Variants in GPM6A observed in about 807,000 individuals in gnomAD.
GPM6A encodes the protein glycoprotein M6A.
In GPM6A, 7 loss-of-function variants were observed where a neutral mutation model predicts 32.1. The ratio of observed to expected loss-of-function variants is 0.22; its 90% confidence interval spans 0.12 to 0.41. GPM6A has a LOEUF of 0.41. Ranked by LOEUF, GPM6A falls within the 10% of genes least tolerant of loss-of-function variation. The pLI, the probability that GPM6A is intolerant of heterozygous loss-of-function variation, is 1.00. For missense variants in GPM6A, 235 were observed against 347.2 expected (o/e 0.68, Z 2.57); for synonymous variants, 130 against 123.4 (o/e 1.05, Z -0.35).
intron 1 of GPM6A, among the ~76,000 whole-genome samples, chr4:175,870,823 C>T (rs760593523): frequency 2.0e-5 from 3 of 152,092 alleles, no homozygotes; most frequent in Non-Finnish European, 2.9e-5. Flanking sequence ...CTACTTTGGT[C>T]TTTCAAAGCC....
chr4:175,912,116 G>A (rs1738340362), intron 1 of GPM6A, among the ~76,000 whole-genome samples: 2 of 152,108 alleles, frequency 1.3e-5, no homozygotes, highest in Non-Finnish European at 2.9e-5. Context: ...CCAGCCAGGA[G>A]TAGGAAAAAG....
intron 1 of GPM6A, among the ~76,000 whole-genome samples, chr4:175,924,858 AAG>A (rs1738783099): frequency 6.6e-6 from 1 of 151,696 alleles, no homozygotes; most frequent in South Asian, 2.1e-4. Flanking sequence ...AAAAAAAAAA[AAG>A]AGAGAAGTCT....
intron 1 of GPM6A, among the ~76,000 whole-genome samples, chr4:175,944,150 T>C (rs1579650311): frequency 6.6e-6 from 1 of 152,160 alleles, no homozygotes; most frequent in South Asian, 2.1e-4. Context: ...AAGCTTATTT[T>C]CATTTCGATA....
intron 1 of GPM6A, among the ~76,000 whole-genome samples, chr4:175,923,584 G>A (rs539560215): frequency 6.6e-6 from 1 of 151,496 alleles, no homozygotes; most frequent in African/African-American, 2.4e-5. Flanking sequence ...GACAAGATCG[G>A]GCTCTCTTGC....
At chr4:175,752,907 G>A (rs1732392098) in intron 1 of GPM6A, among the ~76,000 whole-genome samples, 1 of 152,122 alleles carries the variant, frequency 6.6e-6, no homozygotes, top group African/African-American at 2.4e-5. Context: ...CCAATGGTTC[G>A]AAAGGAAAAC....
upstream of GPM6A, chr4:175,813,102 G>GA (rs1324436815): frequency 4.1e-6 from 4 of 979,976 alleles, no homozygotes; most frequent in East Asian, 4.6e-4. Flanking sequence ...CCACTGGAAG[G>GA]AAAAACCCTA....
intron 1 of GPM6A, among the ~76,000 whole-genome samples, chr4:175,825,775 C>T (rs928448407): frequency 1.3e-5 from 2 of 152,144 alleles, no homozygotes; most frequent in African/African-American, 4.8e-5. Context: ...CTTGAATGTG[C>T]TTTTTGTCCA....
intron 3 of GPM6A, among the ~76,000 whole-genome samples, chr4:175,665,905 A>G (rs1240548495): frequency 6.6e-6 from 1 of 151,376 alleles, no homozygotes; most frequent in South Asian, 2.1e-4. Context: ...GATACTGTAA[A>G]TGTCTGAAAA....
chr4:175,988,735 C>G (rs573630557), intron 1 of GPM6A, among the ~76,000 whole-genome samples: 2 of 152,132 alleles, frequency 1.3e-5, no homozygotes, highest in African/African-American at 4.8e-5. Flanking sequence ...AAACAACAAC[C>G]AACAAAGCAG....
intron 1 of GPM6A, among the ~76,000 whole-genome samples, chr4:175,753,348 C>A (rs1318479462): frequency 1.3e-5 from 2 of 149,600 alleles, no homozygotes; most frequent in Non-Finnish European, 3.0e-5. Flanking sequence ...CTAACACAGT[C>A]AGGTTAATAA....
At chr4:175,642,571 C>G (rs1339186247) in intron 4 of GPM6A, among the ~76,000 whole-genome samples, 1 of 152,140 alleles carries the variant, frequency 6.6e-6, no homozygotes, top group African/African-American at 2.4e-5. Flanking sequence ...ACAGTTGATG[C>G]CCACCTTTTC....
At chr4:175,717,424 T>G (rs1242670909) in intron 1 of GPM6A, among the ~76,000 whole-genome samples, 2 of 152,158 alleles carry the variant, frequency 1.3e-5, no homozygotes, top group African/African-American at 2.4e-5. Context: ...AATTTAATCA[T>G]AGAAGCTTAT....
intron 1 of GPM6A, among the ~76,000 whole-genome samples, chr4:175,983,362 C>A (rs1057242990): frequency 5.9e-5 from 9 of 152,180 alleles, no homozygotes; most frequent in Non-Finnish European, 1.0e-4. Flanking sequence ...ATATACCATG[C>A]AGAGCTTTCT....
At chr4:175,989,672 T>C (rs1169376078) in intron 1 of GPM6A, among the ~76,000 whole-genome samples, 4 of 152,218 alleles carry the variant, frequency 2.6e-5, no homozygotes, top group Non-Finnish European at 5.9e-5. Flanking sequence ...ATCAGTGTAA[T>C]AGTCCACTAT....
chr4:175,959,919 G>T (rs1740113267), intron 1 of GPM6A, among the ~76,000 whole-genome samples: 3 of 152,120 alleles, frequency 2.0e-5, no homozygotes, highest in South Asian at 4.1e-4. Context: ...GTCTGACATT[G>T]TTCTAAGCAA....
intron 1 of GPM6A, among the ~76,000 whole-genome samples, chr4:175,767,001 T>A: frequency 6.6e-6 from 1 of 152,120 alleles, no homozygotes; most frequent in Non-Finnish European, 1.5e-5. Flanking sequence ...CATAAACTTT[T>A]TCGGCAGTTA....
chr4:175,683,757 G>C (rs751955462), intron 2 of GPM6A, among the ~76,000 whole-genome samples: 71 of 151,934 alleles, frequency 4.7e-4, no homozygotes, highest in Non-Finnish European at 1.2e-4. Context: ...GATTCCTGAG[G>C]ACTGCCCAGT....
chr4:175,911,363 G>A (rs1251423494), intron 1 of GPM6A, among the ~76,000 whole-genome samples: 1 of 152,078 alleles, frequency 6.6e-6, no homozygotes, highest in East Asian at 1.9e-4. Flanking sequence ...CCTAAACATT[G>A]GCAAGAGGTT....
At chr4:175,772,294 G>T (rs1484904681) in intron 1 of GPM6A, among the ~76,000 whole-genome samples, 1 of 152,104 alleles carries the variant, frequency 6.6e-6, no homozygotes, top group Non-Finnish European at 1.5e-5. Context: ...AATGAATCCC[G>T]AGAACATGCC....
Sources: gnomAD v4.1 joint callset for allele counts (sites outside exome capture counted in the v4.1 genomes callset) on GRCh38, gnomAD v4.1.1 for gene constraint, MANE v1.5 for transcripts, NCBI Gene and HGNC (gene_info 2026-07-23, HGNC 2026-07-21) for gene names.